The following HERPUD1 variants were observed in gnomAD, a reference collection of about 807,000 sequenced individuals.
The protein encoded by HERPUD1 is homocysteine inducible ER protein with ubiquitin like domain 1.
Under a neutral mutation model 45.0 loss-of-function variants are expected in HERPUD1, and 17 were observed. The observed-to-expected ratio is 0.38, with a 90% CI of 0.26 to 0.57. HERPUD1 has a LOEUF of 0.57. Among genes scored for constraint, HERPUD1 ranks in the 20% least tolerant of loss-of-function variants. The pLI, the probability that HERPUD1 is intolerant of heterozygous loss-of-function variation, is 0.72. For missense variants in HERPUD1, 420 were observed against 490.5 expected (o/e 0.86, Z 1.36); for synonymous variants, 164 against 177.5 (o/e 0.92, Z 0.61).
Position 56,939,877 on chromosome 16 carries a change from C to G in HERPUD1, c.555-18C>G. On this transcript the variant is annotated intron_variant, in intron 5 of 7. Coordinates refer to ENST00000439977, the MANE Select transcript of HERPUD1 (RefSeq NM_014685.4). Reference sequence around the variant, plus strand: ...GCTTTGGTCTCAACAGTATCTGCCTCTGTCGTTTTTATTTTAGTTTAGCAG... The same window carrying G: ...GCTTTGGTCTCAACAGTATCTGCCTGTGTCGTTTTTATTTTAGTTTAGCAG... 6.3e-7 allele frequency: 1 copy of G among 1,596,292 alleles called. No homozygotes were observed. The highest frequency in any genetic ancestry group is 2.2e-5 in the East Asian group (1 of 44,594).
At chr16:56,937,901 T>C (rs1413023348) in intron 4 of HERPUD1, among the ~76,000 whole-genome samples, 1 of 152,024 alleles carries the variant, frequency 6.6e-6, no homozygotes, top group African/African-American at 2.4e-5. Flanking sequence ...TGTCAGCATA[T>C]AAATTGGATA....
chr16:56,943,015 TGGGGCAG>T, intron 7 of HERPUD1, 104 bp from the exon 8 acceptor site: 2 of 1,112,638 alleles, frequency 1.8e-6, no homozygotes, highest in Non-Finnish European at 2.6e-6. Flanking sequence ...GCTGTGCCTA[TGGGGCAG>T]GGGGCAGGGA....
chr16:56,940,111 T>C lies in HERPUD1; in HGVS notation c.771T>C (p.Asp257=). 1 of 1,614,226 alleles carries C rather than the reference T, an allele frequency of 6.2e-7. No individual in the cohort carries two copies. Among genetic ancestry groups the C allele is most frequent in the Non-Finnish European group, 8.5e-7 (1 of 1,180,036 alleles). The change falls in exon 6 of 8, where the codon GAT becomes GAC. Residue 257 remains aspartate (D), a synonymous_variant. Coordinates refer to ENST00000439977, the MANE Select transcript of HERPUD1 (RefSeq NM_014685.4). The stretch of plus-strand genomic sequence containing the variant: ...AAGGTGGCCCTATTGTGGAAGAAGA[T>C]GATGAAATAAATCGAGATTGGTTGG... ...NAQGGPIVEE[D]DEINRDWLDW...
chr16:56,932,616 G>C (rs1291860970), intron 1 of HERPUD1, among the ~76,000 whole-genome samples: 1 of 152,258 alleles, frequency 6.6e-6, no homozygotes, highest in African/African-American at 2.4e-5. Context: ...CCTTGGGCGA[G>C]TCATTTCACC....
rs370712555 is a variant in HERPUD1 at position 56,939,374 on chromosome 16, C to A, written c.554+15C>A. The A allele has an allele frequency of 7.4e-6, 12 of 1,613,828 alleles. No homozygotes were observed. The African/African-American group carries it at 1.5e-4, about 20-fold the overall frequency. ...TACATGCAATAGTGAGTCCTTCCCG[C>A]CATGCTGGGTGTGGCCAGGGCTCCC... is the stretch of plus-strand genomic sequence containing the variant. On this transcript the variant is annotated intron_variant, in intron 5 of 7. Coordinates refer to ENST00000439977, the MANE Select transcript of HERPUD1 (RefSeq NM_014685.4).
At chr16:56,937,548 C>G (rs1180333006) in intron 4 of HERPUD1, 1 of 151,830 alleles carries the variant, frequency 6.6e-6, no homozygotes, top group African/African-American at 2.4e-5. Context: ...ATAATTAATC[C>G]CCACACCATC....
At chr16:56,934,991 C>CAT (rs1186742359) in intron 1 of HERPUD1, 1 of 437,518 alleles carries the variant, frequency 2.3e-6, no homozygotes, top group Non-Finnish European at 4.3e-6. Flanking sequence ...GGATTACAGG[C>CAT]ATGAGCCACC....
rs756234272 is a variant in HERPUD1 at position 56,936,713 on chromosome 16, T to C, written c.327T>C (p.Ala109=). 5.6e-6 allele frequency: 9 copies of C among 1,613,828 alleles called. No homozygotes were observed. Among genetic ancestry groups the C allele is most frequent in the Admixed American group, 1.7e-5 (1 of 59,968 alleles). The part of the protein sequence containing the change: ...AKVAESTEEP[A]GSNRGQYPED... Reference sequence around the variant, plus strand: ...TGGCTGAATCCACAGAGGAGCCTGCTGGTTCTAATCGGGGACAGTATCCTG... The same window carrying C: ...TGGCTGAATCCACAGAGGAGCCTGCCGGTTCTAATCGGGGACAGTATCCTG... Residue 109 remains alanine (A), a synonymous_variant, in exon 4 of 8, where the codon GCT becomes GCC. Transcript: ENST00000439977.
chr16:56,940,220 A>G lies in HERPUD1; in HGVS notation c.880A>G (p.Met294Val). 6.2e-7 allele frequency: 1 copy of G among 1,613,332 alleles called. No homozygotes were observed. The highest frequency in any genetic ancestry group is 8.5e-7 in the Non-Finnish European group (1 of 1,179,286). ...YSSLSRFLMV[M>V]GATVVMYLHH... ...CTCCCTGAGCAGATTCCTCATGGTC[A>G]TGGGGGCCACCGTTGTTATGTACCT... Residue 294 changes from methionine to valine, a missense_variant, in exon 6 of 8, where the codon ATG becomes GTG. Met to Val is a conservative substitution (Grantham distance 21). Coordinates refer to ENST00000439977, the MANE Select transcript of HERPUD1 (RefSeq NM_014685.4).
chr16:56,932,492 C>A, intron 1 of HERPUD1, 101 bp downstream of exon 1: 13 of 1,111,820 alleles, frequency 1.2e-5, no homozygotes, highest in Non-Finnish European at 1.6e-5. Flanking sequence ...CTCCCGCTGA[C>A]GGCTGCGATC....
rs1420203471 is a variant in HERPUD1, at chr16:56,939,986, CACA to C, written c.649_651del (p.Asn217del). ...CTCTGCACCTGCTCCAGCCCCTATT[CACA>C]ACCAGTTTCCAGCTGAAAACCAGCC... On this transcript the variant is annotated inframe_deletion, in exon 6 of 8. Transcript: ENST00000439977. 1 of 1,614,116 alleles carries C rather than the reference CACA, an allele frequency of 6.2e-7. No individual in the cohort carries two copies. The highest frequency in any genetic ancestry group is 2.2e-5 in the East Asian group (1 of 44,872).
chr16:56,932,446 G>A lies in HERPUD1; in HGVS notation c.147+55G>A, dbSNP rs945035152. The A allele has an allele frequency of 4.1e-5, 58 of 1,431,956 alleles. No individual in the cohort carries two copies. The African/African-American group carries it at 7.2e-4, about 18-fold the overall frequency. 88.7% of individuals were successfully genotyped at this position (1,431,956 alleles called of 1,614,324 possible). A position where few individuals can be genotyped will look rare whatever the true frequency, so the allele number is the denominator to read the frequency against. ...GGCTGTGGCCCCCCGCCCTCTGCTG[G>A]GGATGCCACGTCCGGCTGCCCTGTC... On this transcript the variant is annotated intron_variant, in intron 1 of 7. Transcript: ENST00000439977.
In HERPUD1 at chr16:56,943,172, A is replaced by G. The variant is rs755402378; in HGVS notation, c.1058A>G (p.Asp353Gly). 3 of 1,614,120 alleles carry G rather than the reference A, an allele frequency of 1.9e-6. No individual in the cohort carries two copies. Among genetic ancestry groups the G allele is most frequent in the Non-Finnish European group, 2.5e-6 (3 of 1,179,982 alleles). ...ETEDPNHLPP[D>G]RDVLDGEQTS... ...GAAGACCCCAACCACCTCCCTCCAGACAGGGATGTACTAGATGGCGAGCAG... is the reference window on the plus strand; with the variant it reads ...GAAGACCCCAACCACCTCCCTCCAGGCAGGGATGTACTAGATGGCGAGCAG... The change falls in exon 8 of 8, where the codon GAC becomes GGC. Residue 353 changes from aspartate to glycine, a missense_variant. Physicochemically the swap from Asp to Gly is moderately conservative, Grantham distance 94. Coordinates refer to ENST00000439977, the MANE Select transcript of HERPUD1 (RefSeq NM_014685.4).
At chr16:56,936,596 G>C in intron 3 of HERPUD1, 91 bp from the exon 4 acceptor site, 1 of 1,270,428 alleles carries the variant, frequency 7.9e-7, no homozygotes. Flanking sequence ...GGTAGGAGAT[G>C]TAAGCCCTTG....
intron 5 of HERPUD1, 129 bp from the exon 6 acceptor site, chr16:56,939,766 T>A: frequency 2.9e-6 from 2 of 687,570 alleles, no homozygotes; most frequent in Non-Finnish European, 4.8e-6. Context: ...CTTCACTAAA[T>A]TGAAGAAAAA....
rs1237064809 is a variant in HERPUD1, at chr16:56,932,435, G to A, written c.147+44G>A. On this transcript the variant is annotated intron_variant, in intron 1 of 7. Coordinates refer to ENST00000439977, the MANE Select transcript of HERPUD1 (RefSeq NM_014685.4). Reference sequence around the variant, plus strand: ...TCCCGCCCCTAGGCTGTGGCCCCCCGCCCTCTGCTGGGGATGCCACGTCCG... The same window carrying A: ...TCCCGCCCCTAGGCTGTGGCCCCCCACCCTCTGCTGGGGATGCCACGTCCG... 16 of 1,472,404 alleles carry A rather than the reference G, an allele frequency of 1.1e-5. No homozygotes were observed. The African/African-American group carries it at 1.7e-4, about 16-fold the overall frequency. 91.2% of individuals were successfully genotyped at this position (1,472,404 alleles called of 1,614,324 possible).
chr16:56,939,383 G>T (rs1375505947), intron 5 of HERPUD1, 24 bp downstream of exon 5: 1 of 1,613,842 alleles, frequency 6.2e-7, no homozygotes, highest in Non-Finnish European at 8.5e-7. Context: ...GCCATGCTGG[G>T]TGTGGCCAGG....
intron 6 of HERPUD1, chr16:56,941,889 A>G (rs2055912663): frequency 6.9e-6 from 3 of 433,536 alleles, no homozygotes; most frequent in African/African-American, 4.0e-5. Flanking sequence ...AGTGCATACT[A>G]TGTGCCAGGT....
Position 56,935,224 on chromosome 16 carries a change from T to C in HERPUD1, c.148-11T>C, listed in dbSNP as rs1435943152. 1 of 1,605,190 alleles carries C rather than the reference T, an allele frequency of 6.2e-7. No homozygotes were observed. Among genetic ancestry groups the C allele is most frequent in the South Asian group, 1.1e-5 (1 of 90,822 alleles). ...ATGCTGACCTGTGTTACTCTTTCTT[T>C]CCATGATCAGCGTCCAGAGGACCAG... is the stretch of plus-strand genomic sequence containing the variant. On this transcript the variant is annotated splice_polypyrimidine_tract_variant and intron_variant, in intron 1 of 7. Transcript: ENST00000439977.
Sources: gnomAD v4.1 joint callset for allele counts (sites outside exome capture counted in the v4.1 genomes callset) on GRCh38, gnomAD v4.1.1 for gene constraint, MANE v1.5 for transcripts, NCBI Gene and HGNC (gene_info 2026-07-23, HGNC 2026-07-21) for gene names.